PDE8A: variants seen among roughly 807,000 people sequenced by gnomAD.
The protein encoded by PDE8A is high affinity cAMP-specific and IBMX-insensitive 3',5'-cyclic phosphodiesterase 8A.
In PDE8A, 59 loss-of-function variants were observed where a neutral mutation model predicts 105.0. The observed-to-expected ratio is 0.56, with a 90% CI of 0.46 to 0.70. The LOEUF (loss-of-function observed/expected upper bound fraction) is 0.70, where lower values mean the gene tolerates loss of function less well. PDE8A is among the 30% of genes least tolerant of loss of function. PDE8A has a pLI of 0.00. For synonymous variants in PDE8A, 355 were observed against 371.9 expected, an observed-to-expected ratio of 0.95 and a Z score of 0.52; for missense variants, 1,014 against 1,045.9, an observed-to-expected ratio of 0.97 and a Z score of 0.42.
chr15:84,990,106 A>G (rs1334619741), intron 1 of PDE8A, among the ~76,000 whole-genome samples: 5 of 152,124 alleles, frequency 3.3e-5, no homozygotes, highest in African/African-American at 4.8e-5. Context: ...AGTCCCATCT[A>G]CTCAGGAGCT....
chr15:84,998,342 C>T (rs1333116598), intron 1 of PDE8A, among the ~76,000 whole-genome samples: 1 of 152,202 alleles, frequency 6.6e-6, no homozygotes, highest in East Asian at 1.9e-4. Flanking sequence ...TCCCTTTGGT[C>T]ACTGAGATGG....
chr15:85,021,938 T>C (rs2080433764), intron 1 of PDE8A, among the ~76,000 whole-genome samples: 1 of 152,230 alleles, frequency 6.6e-6, no homozygotes, highest in Non-Finnish European at 1.5e-5. Flanking sequence ...TACTGGTGAT[T>C]TTCACTGTGA....
Position 85,086,706 on chromosome 15 carries a change from A to T in PDE8A, c.636-2632A>T, listed in dbSNP as rs371439849. Among the ~76,000 whole-genome samples the T allele has an allele frequency of 3.2e-3, 483 of 152,260 alleles. 3 individuals are homozygous for T. Among genetic ancestry groups the T allele is most frequent in the African/African-American group, 0.011 (454 of 41,572 alleles). On this transcript the variant is annotated intron_variant, in intron 6 of 21. Transcript: ENST00000394553. Reference sequence around the variant, plus strand: ...CAGATCCATCTCCGCCAAGCTTGTTATATTGGAGGTGAGAACTTCTTACTG... The same window carrying T: ...CAGATCCATCTCCGCCAAGCTTGTTTTATTGGAGGTGAGAACTTCTTACTG...
At chr15:85,122,909 C>G (rs1371231084) in intron 18 of PDE8A, 152 bp from the exon 19 acceptor site, 6 of 787,192 alleles carry the variant, frequency 7.6e-6, no homozygotes, top group Non-Finnish European at 1.0e-5. Flanking sequence ...CCCCTAACTT[C>G]CATGTCTTTT....
chr15:85,021,012 C>G (rs1347935465), intron 1 of PDE8A, among the ~76,000 whole-genome samples: 1 of 152,146 alleles, frequency 6.6e-6, no homozygotes, highest in Non-Finnish European at 1.5e-5. Context: ...CTTGTTGAAA[C>G]CTAATCACTA....
intron 1 of PDE8A, among the ~76,000 whole-genome samples, chr15:85,057,845 C>A (rs1472006047): frequency 6.6e-6 from 1 of 152,138 alleles, no homozygotes; most frequent in Non-Finnish European, 1.5e-5. Flanking sequence ...TTACACTGAT[C>A]AATTTTCATA....
At chr15:85,043,530 G>A (rs1466432588) in intron 1 of PDE8A, among the ~76,000 whole-genome samples, 1 of 152,022 alleles carries the variant, frequency 6.6e-6, no homozygotes, top group Non-Finnish European at 1.5e-5. Context: ...ATTTTTCTAT[G>A]GGTTAATTCT....
In PDE8A at chr15:85,036,821, C is replaced by T. The variant is rs549568494; in HGVS notation, c.187-27549C>T. Among the ~76,000 whole-genome samples the T allele has an allele frequency of 2.6e-5, 4 of 152,194 alleles. No homozygotes were observed. In the East Asian group the frequency reaches 7.7e-4, roughly 29 times the overall value. ...TTTTTAGAGAAAGAGCTTTAAACATCCATCAGGCCCCAAGAATGAGAAGTC... is the reference window on the plus strand; with the variant it reads ...TTTTTAGAGAAAGAGCTTTAAACATTCATCAGGCCCCAAGAATGAGAAGTC... On this transcript the variant is annotated intron_variant, in intron 1 of 21. Coordinates refer to ENST00000394553, the MANE Select transcript of PDE8A (RefSeq NM_002605.3).
chr15:85,079,667 C>T (rs1053314647), intron 5 of PDE8A, among the ~76,000 whole-genome samples: 3 of 152,196 alleles, frequency 2.0e-5, no homozygotes, highest in Non-Finnish European at 4.4e-5. Context: ...AATCCCAACA[C>T]TTTGGGAGGC....
chr15:84,987,426 T>C (rs912900698), intron 1 of PDE8A, among the ~76,000 whole-genome samples: 2 of 151,798 alleles, frequency 1.3e-5, no homozygotes, highest in African/African-American at 2.4e-5. Flanking sequence ...GGCTTATGAC[T>C]GGTTTTCCCT....
intron 1 of PDE8A, among the ~76,000 whole-genome samples, chr15:85,029,351 A>G (rs186972190): frequency 9.6e-4 from 145 of 150,964 alleles, no homozygotes; most frequent in African/African-American, 3.3e-3. Context: ...CCTGTTTTCA[A>G]TGCCTTTCCC....
At chr15:85,093,523 G>A (rs1320214919) in intron 8 of PDE8A, among the ~76,000 whole-genome samples, 3 of 152,172 alleles carry the variant, frequency 2.0e-5, no homozygotes, top group Non-Finnish European at 4.4e-5. Context: ...CTAGGAGTTG[G>A]GACCTTGGAG....
chr15:85,077,432 A>G (rs1224080785), intron 5 of PDE8A, among the ~76,000 whole-genome samples: 2 of 152,260 alleles, frequency 1.3e-5, no homozygotes, highest in African/African-American at 4.8e-5. Context: ...GGTTAGTATA[A>G]GAAAGGTAGT....
intron 1 of PDE8A, among the ~76,000 whole-genome samples, chr15:84,987,261 T>C (rs550192105): frequency 6.6e-6 from 1 of 152,332 alleles, no homozygotes; most frequent in South Asian, 2.1e-4. Context: ...TTACTGTCAT[T>C]GCCACCATAA....
intron 4 of PDE8A, among the ~76,000 whole-genome samples, chr15:85,076,205 C>T (rs2081378481): frequency 6.6e-6 from 1 of 152,086 alleles, no homozygotes; most frequent in Admixed American, 6.5e-5. Flanking sequence ...GGGGTATCTT[C>T]CTAGGGCCTT....
intron 9 of PDE8A, among the ~76,000 whole-genome samples, chr15:85,098,981 T>C (rs1462892069): frequency 6.7e-6 from 1 of 150,374 alleles, no homozygotes. Context: ...AAATAAAATA[T>C]GAGAAAGGTT....
At chr15:85,005,202 G>A (rs2080126598) in intron 1 of PDE8A, among the ~76,000 whole-genome samples, 1 of 152,028 alleles carries the variant, frequency 6.6e-6, no homozygotes, top group Admixed American at 6.6e-5. Flanking sequence ...CACAGCTTGA[G>A]CTCCTGGGCT....
At chr15:85,051,581 A>G (rs980735681) in intron 1 of PDE8A, among the ~76,000 whole-genome samples, 1 of 152,092 alleles carries the variant, frequency 6.6e-6, no homozygotes. Context: ...CCCAGGTATT[A>G]AGCCCAGCAC....
chr15:85,053,433 T>C (rs1325192722), intron 1 of PDE8A, among the ~76,000 whole-genome samples: 1 of 152,240 alleles, frequency 6.6e-6, no homozygotes, highest in East Asian at 1.9e-4. Context: ...TTTCACGATA[T>C]TGATTCTTCC....
Sources: gnomAD v4.1 joint callset for allele counts (sites outside exome capture counted in the v4.1 genomes callset) on GRCh38, gnomAD v4.1.1 for gene constraint, MANE v1.5 for transcripts, NCBI Gene and HGNC (gene_info 2026-07-23, HGNC 2026-07-21) for gene names.